G2E3: variants seen among roughly 807,000 people sequenced by gnomAD.
G2E3 encodes G2/M phase-specific E3 ubiquitin-protein ligase.
Under a neutral mutation model 92.8 loss-of-function variants are expected in G2E3, and 35 were observed. That is an observed-to-expected ratio of 0.38 (90% CI 0.29 to 0.50). The LOEUF (loss-of-function observed/expected upper bound fraction) is 0.50. Ranked by LOEUF, G2E3 falls within the 20% of genes least tolerant of loss-of-function variation. The probability of loss-of-function intolerance (pLI) is 0.94; values close to 1 mark genes in which losing one functional copy is unlikely to be tolerated. For missense variants in G2E3, 554 were observed against 823.8 expected, an observed-to-expected ratio of 0.67 and a Z score of 4.01; for synonymous variants, 242 against 272.4, an observed-to-expected ratio of 0.89 and a Z score of 1.10.
chr14:30,565,947 A>C (rs572756445), intron 1 of G2E3, among the ~76,000 whole-genome samples: 1 of 152,104 alleles, frequency 6.6e-6, no homozygotes, highest in Non-Finnish European at 1.5e-5. Flanking sequence ...GACGTGAGCC[A>C]CCACACCTGG....
At chr14:30,565,931 A>G (rs986737310) in intron 1 of G2E3, among the ~76,000 whole-genome samples, 1 of 152,038 alleles carries the variant, frequency 6.6e-6, no homozygotes, top group Non-Finnish European at 1.5e-5. Context: ...AAAGTGCTGG[A>G]TTACAGACGT....
intron 10 of G2E3, among the ~76,000 whole-genome samples, chr14:30,604,131 C>T (rs1881709265): frequency 6.6e-6 from 1 of 152,190 alleles, no homozygotes; most frequent in South Asian, 2.1e-4. Context: ...CCTGCTTTAA[C>T]ATGCAGTCAT....
chr14:30,592,483 G>A (rs748199143), intron 5 of G2E3, 36 bp downstream of exon 5: 6 of 1,484,524 alleles, frequency 4.0e-6, no homozygotes, highest in Admixed American at 4.4e-5. Context: ...AAAGTTCAGT[G>A]TTAAAGAATA....
chr14:30,580,550 T>C (rs1880375949), intron 1 of G2E3, among the ~76,000 whole-genome samples: 1 of 152,202 alleles, frequency 6.6e-6, no homozygotes, highest in Non-Finnish European at 1.5e-5. Context: ...GGCATGGCTA[T>C]TGATGATGTG....
intron 10 of G2E3, among the ~76,000 whole-genome samples, chr14:30,603,571 G>C (rs1018972808): frequency 3.3e-5 from 5 of 152,170 alleles, no homozygotes; most frequent in African/African-American, 4.8e-5. Context: ...GCTGGGCATG[G>C]TGACTCATAC....
intron 7 of G2E3, 60 bp from the exon 8 acceptor site, chr14:30,598,423 C>T: frequency 9.1e-7 from 1 of 1,103,582 alleles, no homozygotes; most frequent in South Asian, 1.3e-5. Context: ...AGATTCATTC[C>T]TGATCCTCTT....
chr14:30,572,446 T>C (rs1049958397), intron 1 of G2E3, among the ~76,000 whole-genome samples: 9 of 152,210 alleles, frequency 5.9e-5, no homozygotes, highest in African/African-American at 2.2e-4. Flanking sequence ...AGATGCCCTT[T>C]TGTATCTGTT....
At chr14:30,573,053 A>G (rs894072962) in intron 1 of G2E3, among the ~76,000 whole-genome samples, 2 of 151,950 alleles carry the variant, frequency 1.3e-5, no homozygotes, top group African/African-American at 4.8e-5. Context: ...AGGTGGACTC[A>G]AATTCCTGGG....
chr14:30,577,444 C>CTT (rs890160520), intron 1 of G2E3, among the ~76,000 whole-genome samples: 1 of 152,132 alleles, frequency 6.6e-6, no homozygotes, highest in Non-Finnish European at 1.5e-5. Flanking sequence ...TTGGGAGCTG[C>CTT]TTAGCTGTGT....
At chr14:30,590,204 G>A (rs371193633) in intron 4 of G2E3, among the ~76,000 whole-genome samples, 3 of 152,264 alleles carry the variant, frequency 2.0e-5, no homozygotes, top group African/African-American at 7.2e-5. Context: ...TTTCATGGGG[G>A]AGCATTTTGG....
intron 1 of G2E3, among the ~76,000 whole-genome samples, chr14:30,564,053 A>T: frequency 6.6e-6 from 1 of 152,318 alleles, no homozygotes; most frequent in South Asian, 2.1e-4. Flanking sequence ...CTTTTGTTTT[A>T]AATAAAAATT....
At chr14:30,600,634 A>G (rs1881522687) in intron 8 of G2E3, among the ~76,000 whole-genome samples, 1 of 152,226 alleles carries the variant, frequency 6.6e-6, no homozygotes, top group Non-Finnish European at 1.5e-5. Context: ...ATCAGTAGCT[A>G]CAACTCTTCT....
chr14:30,596,051 A>G (rs1881266354), intron 6 of G2E3, among the ~76,000 whole-genome samples: 1 of 132,902 alleles, frequency 7.5e-6, no homozygotes, highest in Non-Finnish European at 1.5e-5. Flanking sequence ...TCTGTCTGCA[A>G]TTGCTCAAAT....
intron 2 of G2E3, among the ~76,000 whole-genome samples, chr14:30,584,290 A>G (rs536453545): frequency 1.3e-5 from 2 of 152,200 alleles, no homozygotes; most frequent in Non-Finnish European, 2.9e-5. Context: ...TTTGATGGAC[A>G]TTTGGCTTGT....
At chr14:30,582,101 T>C (rs1471296300) in intron 2 of G2E3, among the ~76,000 whole-genome samples, 2 of 152,248 alleles carry the variant, frequency 1.3e-5, no homozygotes, top group African/African-American at 4.8e-5. Context: ...CTAATAGTTC[T>C]GAAACTTTTA....
chr14:30,607,358 GTAGCCTACTACA>G (rs1457690073), intron 11 of G2E3, among the ~76,000 whole-genome samples: 2 of 152,162 alleles, frequency 1.3e-5, no homozygotes, highest in Non-Finnish European at 2.9e-5. Flanking sequence ...CCTAGTTGGT[GTAGCCTACTACA>G]CACCAAGGCT....
intron 13 of G2E3, among the ~76,000 whole-genome samples, chr14:30,614,951 A>G (rs1882246113): frequency 6.6e-6 from 1 of 152,144 alleles, no homozygotes; most frequent in Non-Finnish European, 1.5e-5. Flanking sequence ...ATTTTTATGT[A>G]ATGAAGATTT....
intron 14 of G2E3, among the ~76,000 whole-genome samples, 183 bp from the exon 15 acceptor site, chr14:30,616,095 T>G (rs1357723994): frequency 1.3e-5 from 2 of 152,188 alleles, no homozygotes; most frequent in African/African-American, 2.4e-5. Context: ...ACTTTGAGAT[T>G]CATTTATGTA....
intron 1 of G2E3, among the ~76,000 whole-genome samples, chr14:30,566,288 A>G (rs1184987705): frequency 1.3e-5 from 2 of 152,218 alleles, no homozygotes; most frequent in Non-Finnish European, 2.9e-5. Flanking sequence ...AAAAAAGGCC[A>G]TCGGGATTTT....
Sources: gnomAD v4.1 joint callset for allele counts (sites outside exome capture counted in the v4.1 genomes callset) on GRCh38, gnomAD v4.1.1 for gene constraint, MANE v1.5 for transcripts, NCBI Gene and HGNC (gene_info 2026-07-23, HGNC 2026-07-21) for gene names.